Variants in MYO3A observed in about 807,000 individuals in gnomAD.
MYO3A encodes the protein myosin IIIA.
A neutral mutation model predicts 192.7 loss-of-function variants in MYO3A; 180 were observed. The observed-to-expected ratio is 0.93, with a 90% confidence interval of 0.83 to 1.06. MYO3A has a LOEUF of 1.06. Among genes scored for constraint, MYO3A ranks in the 50% least tolerant of loss-of-function variants. The probability of loss-of-function intolerance (pLI) is 0.00; values close to 1 mark genes in which losing one functional copy is unlikely to be tolerated. For synonymous variants in MYO3A, 628 were observed against 645.3 expected (o/e 0.97, Z 0.41); for missense variants, 1,896 against 1,905.0 (o/e 1.00, Z 0.09).
intron 20 of MYO3A, among the ~76,000 whole-genome samples, chr10:26,139,386 T>A (rs10082469): frequency 0.31 from 47,480 of 151,912 alleles, 7,682 homozygotes; most frequent in Middle Eastern, 0.43. Flanking sequence ...ATTACAGGTA[T>A]GAGCCACCAC....
chr10:25,938,837 T>C (rs1836288096), intron 2 of MYO3A, among the ~76,000 whole-genome samples: 1 of 152,220 alleles, frequency 6.6e-6, no homozygotes, highest in Non-Finnish European at 1.5e-5. Flanking sequence ...ATTAAATTTA[T>C]TGATATTTGC....
intron 4 of MYO3A, among the ~76,000 whole-genome samples, chr10:25,976,901 A>G (rs1193535486): frequency 6.6e-6 from 1 of 152,064 alleles, no homozygotes; most frequent in Admixed American, 6.6e-5. Context: ...AAACAATATC[A>G]TTTTTATTTT....
At chr10:25,973,873 C>T (rs530294434) in intron 4 of MYO3A, among the ~76,000 whole-genome samples, 2 of 152,054 alleles carry the variant, frequency 1.3e-5, no homozygotes, top group African/African-American at 4.8e-5. Flanking sequence ...GGTGCTGGGA[C>T]AACTGGCTAG....
intron 20 of MYO3A, among the ~76,000 whole-genome samples, chr10:26,139,239 AT>A (rs1313242897): frequency 6.6e-6 from 1 of 152,088 alleles, no homozygotes; most frequent in African/African-American, 2.4e-5. Context: ...TAGATTAAAA[AT>A]ATATATATTT....
chr10:26,115,736 C>A (rs1455719125), intron 17 of MYO3A, among the ~76,000 whole-genome samples: 1 of 152,166 alleles, frequency 6.6e-6, no homozygotes, highest in Non-Finnish European at 1.5e-5. Context: ...ATGGACAGGG[C>A]AGGCTTACAA....
At chr10:26,055,578 G>A (rs1591906) in intron 10 of MYO3A, among the ~76,000 whole-genome samples, 74,493 of 151,948 alleles carry the variant, frequency 0.49, 18,973 homozygotes, top group Middle Eastern at 0.59. Context: ...GGTGGCCTCC[G>A]TACTTTTATG....
chr10:26,094,926 G>A (rs1190381635), intron 15 of MYO3A, among the ~76,000 whole-genome samples: 1 of 152,100 alleles, frequency 6.6e-6, no homozygotes, highest in Non-Finnish European at 1.5e-5. Context: ...GAATTCAAAG[G>A]CTCCTCTGTT....
chr10:25,989,942 A>G (rs1839908292), intron 4 of MYO3A, among the ~76,000 whole-genome samples: 1 of 152,176 alleles, frequency 6.6e-6, no homozygotes, highest in Non-Finnish European at 1.5e-5. Flanking sequence ...AGGCTGAAGT[A>G]TTAAGGATTG....
At chr10:26,136,592 G>A (rs964317625) in intron 20 of MYO3A, among the ~76,000 whole-genome samples, 2 of 152,178 alleles carry the variant, frequency 1.3e-5, no homozygotes, top group Non-Finnish European at 2.9e-5. Context: ...AAATGATGAG[G>A]TGGTGTGTCA....
intron 10 of MYO3A, among the ~76,000 whole-genome samples, chr10:26,063,990 G>C (rs1834659099): frequency 6.6e-6 from 1 of 152,212 alleles, no homozygotes; most frequent in African/African-American, 2.4e-5. Flanking sequence ...GGACACAGCA[G>C]TGAACAATAC....
At chr10:26,021,404 C>A in intron 7 of MYO3A, 99 bp from the exon 8 acceptor site, 1 of 1,421,388 alleles carries the variant, frequency 7.0e-7, no homozygotes, top group Non-Finnish European at 9.9e-7. Flanking sequence ...AGCTATCAAA[C>A]TTCACCAGTT....
chr10:26,058,395 C>T (rs1345894349), intron 10 of MYO3A, among the ~76,000 whole-genome samples: 4 of 152,142 alleles, frequency 2.6e-5, no homozygotes, highest in Non-Finnish European at 4.4e-5. Context: ...TCCTGAAGGA[C>T]ATCTTTGTTG....
rs115929922 is a variant in MYO3A, at chr10:26,154,133, T to G, written c.2715+204T>G. Among the ~76,000 whole-genome samples the G allele has an allele frequency of 3.1e-3, 478 of 152,294 alleles. 1 individual carries two copies. Among genetic ancestry groups the G allele is most frequent in the African/African-American group, 0.011 (454 of 41,558 alleles). On this transcript the variant is annotated intron_variant, in intron 24 of 34. Coordinates refer to ENST00000642920, the MANE Select transcript of MYO3A (RefSeq NM_017433.5). ...CATGCATTTCTGATATATTAATATT[T>G]CCAACTCTTCTTTTTTAGCTAGTTT...
At chr10:26,047,432 T>C (rs1291410439) in intron 10 of MYO3A, among the ~76,000 whole-genome samples, 5 of 152,194 alleles carry the variant, frequency 3.3e-5, no homozygotes, top group Non-Finnish European at 7.3e-5. Flanking sequence ...AAATTAGCAA[T>C]GCCTAGGATT....
intron 14 of MYO3A, among the ~76,000 whole-genome samples, chr10:26,076,676 GTGAGAGA>G (rs1835595667): frequency 1.3e-5 from 2 of 152,092 alleles, no homozygotes. Context: ...TTTGTGTAAG[GTGAGAGA>G]TGAGGATCCA....
intron 20 of MYO3A, among the ~76,000 whole-genome samples, chr10:26,131,223 A>C (rs368683209): frequency 6.6e-6 from 1 of 152,192 alleles, no homozygotes; most frequent in South Asian, 2.1e-4. Context: ...ATTTAGTCCA[A>C]TTTCAGTGTA....
At chr10:25,956,315 A>G (rs562894747) in intron 4 of MYO3A, among the ~76,000 whole-genome samples, 1 of 151,546 alleles carries the variant, frequency 6.6e-6, no homozygotes, top group Admixed American at 6.6e-5. Context: ...AAGACTTTAT[A>G]TTCATATTTT....
intron 29 of MYO3A, among the ~76,000 whole-genome samples, chr10:26,172,192 C>T (rs535092478): frequency 4.6e-5 from 7 of 152,206 alleles, no homozygotes; most frequent in Non-Finnish European, 1.0e-4. Flanking sequence ...GGCCAGCACT[C>T]CCTCCCTCCT....
At chr10:25,981,371 G>A (rs1468039380) in intron 4 of MYO3A, among the ~76,000 whole-genome samples, 1 of 151,724 alleles carries the variant, frequency 6.6e-6, no homozygotes, top group African/African-American at 2.4e-5. Context: ...GAAATTACAG[G>A]AGAAAAAAAT....
Sources: allele counts gnomAD v4.1 joint callset (sites outside exome capture counted in the v4.1 genomes callset), GRCh38; gene constraint gnomAD v4.1.1; transcripts MANE v1.5; gene names NCBI Gene and HGNC (gene_info 2026-07-23, HGNC 2026-07-21).